MPST: variants seen among roughly 807,000 people sequenced by gnomAD.
MPST encodes 3-mercaptopyruvate sulfurtransferase.
A neutral mutation model predicts 28.5 loss-of-function variants in MPST; 27 were observed. The observed-to-expected ratio is 0.95, with a 90% CI of 0.70 to 1.31. The LOEUF (loss-of-function observed/expected upper bound fraction) is 1.31, where lower values mean the gene tolerates loss of function less well. MPST is among the 50% of genes most tolerant of loss of function. The probability of loss-of-function intolerance (pLI) is 0.00; values close to 1 mark genes in which losing one functional copy is unlikely to be tolerated. For synonymous variants in MPST, 204 were observed against 209.3 expected (o/e 0.97, Z 0.22); for missense variants, 492 against 471.1 (o/e 1.04, Z -0.41).
At chr22:37,021,838 T>G (rs1012385779) in intron 1 of MPST, among the ~76,000 whole-genome samples, 3 of 152,130 alleles carry the variant, frequency 2.0e-5, no homozygotes, top group African/African-American at 7.2e-5. Context: ...TCTACATTTA[T>G]TGTTTAATCT....
chr22:37,024,784 G>T lies in MPST; in HGVS notation c.629G>T (p.Arg210Leu). ...VVDSRATGRF[R>L]GTEPEPRDGI... ...GACTCCCGAGCCACTGGCAGGTTCC[G>T]CGGCACCGAGCCCGAGCCCCGAGAC... The change falls in exon 2 of 3, where the codon CGC becomes CTC. Residue 210 changes from arginine (R) to leucine (L), a missense_variant. By Grantham distance (102) the Arg-to-Leu change is moderately radical (BLOSUM62 -2). Transcript: ENST00000429360. 3.7e-6 allele frequency: 6 copies of T among 1,602,702 alleles called. No individual in the cohort carries two copies. The highest frequency in any genetic ancestry group is 5.1e-6 in the Non-Finnish European group (6 of 1,179,578).
rs1207708151 is a variant in MPST at position 37,029,301 on chromosome 22, G to A, written c.741G>A (p.Glu247=). ...AGGAGGGGCTGGAGAAGAGCCCTGA[G>A]GAGATCCGCCATCTGTTCCAGGAGA... ...LSQEGLEKSP[E]EIRHLFQEKK... Residue 247 remains glutamate (E), a synonymous_variant, in exon 3 of 3, where the codon GAG becomes GAA. Transcript: ENST00000429360. 1 of 1,614,208 alleles carries A rather than the reference G, an allele frequency of 6.2e-7. No homozygotes were observed. Among genetic ancestry groups the A allele is most frequent in the Non-Finnish European group, 8.5e-7 (1 of 1,180,028 alleles).
In MPST at chr22:37,029,552, C is replaced by T; in HGVS notation, c.*38C>T. The T allele has an allele frequency of 6.5e-7, 1 of 1,545,222 alleles. No homozygotes were observed. The highest frequency in any genetic ancestry group is 8.8e-7 in the Non-Finnish European group (1 of 1,140,494). On this transcript the variant is annotated 3_prime_UTR_variant, in exon 3 of 3. Transcript: ENST00000429360. The stretch of plus-strand genomic sequence containing the variant: ...CACAGGCGAGCTCAGGTGATGCCGG[C>T]CACCAGCAATGCCTGGCCTGGTAGC...
At chr22:37,024,127 C>A (rs1383413215) in intron 1 of MPST, 65 bp from the exon 2 acceptor site, 1 of 1,346,488 alleles carries the variant, frequency 7.4e-7, no homozygotes, top group East Asian at 3.0e-5. Context: ...CATGCTCCAG[C>A]CCCAGCCCTA....
chr22:37,020,059 T>G, intron 1 of MPST, 187 bp downstream of exon 1: 165 of 276,712 alleles, frequency 6.0e-4, no homozygotes, highest in Non-Finnish European at 6.9e-4. Context: ...GGTGGGGTCG[T>G]GGCGAGTGGC....
In MPST at chr22:37,024,972, C is replaced by T. The variant is rs192039464; in HGVS notation, c.655+162C>T. The T allele has an allele frequency of 1.3e-5, 19 of 1,503,462 alleles. No homozygotes were observed. In the East Asian group the frequency reaches 2.2e-4, roughly 18 times the overall value. The allele number at this position is 1,503,462 out of a possible 1,614,324, so 93.1% of individuals were successfully genotyped here. ...TCCCTTTCCCTTCCCTCCTTTCCCC[C>T]TTTTCCCTACCCTTGCCTTCTTTTC... On this transcript the variant is annotated intron_variant, in intron 2 of 2. Coordinates refer to ENST00000429360, the MANE Select transcript of MPST (RefSeq NM_021126.8).
At chr22:37,027,180 C>G (rs1441154885) in intron 2 of MPST, 1 of 152,672 alleles carries the variant, frequency 6.5e-6, no homozygotes, top group Non-Finnish European at 1.5e-5. Context: ...CTCGAACTCC[C>G]AACCTCAGGT....
At chr22:37,023,624 GGCCTC>G (rs1923235974) in intron 1 of MPST, 1 of 301,626 alleles carries the variant, frequency 3.3e-6, no homozygotes, top group African/African-American at 2.3e-5. Context: ...TAATATACCA[GGCCTC>G]TTAAGATCAC....
At position 37,024,330 on chromosome 22, in the gene MPST, C is replaced by A. The variant is rs1450329865; in HGVS notation, c.175C>A (p.Pro59Thr). Reference sequence around the variant, plus strand: ...GCTGCTGGACGCCTCCTGGTACCTGCCGAAGCTGGGGCGCGACGCGCGACG... The same window carrying A: ...GCTGCTGGACGCCTCCTGGTACCTGACGAAGCTGGGGCGCGACGCGCGACG... ...LQLLDASWYL[P>T]KLGRDARREF... The change falls in exon 2 of 3, where the codon CCG (proline) becomes ACG (threonine). Residue 59 changes from proline (P) to threonine (T), a missense_variant. Pro to Thr is a conservative substitution (Grantham distance 38). Transcript: ENST00000429360. 4.6e-6 allele frequency: 7 copies of A among 1,537,438 alleles called. No homozygotes were observed. Among genetic ancestry groups the A allele is most frequent in the Non-Finnish European group, 6.1e-6 (7 of 1,144,070 alleles).
At chr22:37,025,861 A>G (rs1169850999) in intron 2 of MPST, 2 of 152,272 alleles carry the variant, frequency 1.3e-5, no homozygotes, top group African/African-American at 4.8e-5. Context: ...GCTTGGGCTC[A>G]CCATGGGCCA....
Position 37,024,452 on chromosome 22 carries a change from C to A in MPST, c.297C>A (p.Ala99=), listed in dbSNP as rs756117717. The A allele has an allele frequency of 1.4e-5, 21 of 1,549,434 alleles. No individual in the cohort carries two copies. The highest frequency in any genetic ancestry group is 1.7e-4 in the Middle Eastern group (1 of 6,004). The part of the protein sequence containing the change: ...TSPYDHMLPG[A]EHFAEYAGRL... ...CCTACGACCACATGCTGCCCGGGGCCGAGCATTTCGCGGAGTACGCAGGCC... is the reference window on the plus strand; with the variant it reads ...CCTACGACCACATGCTGCCCGGGGCAGAGCATTTCGCGGAGTACGCAGGCC... The change falls in exon 2 of 3, where the codon GCC becomes GCA. Residue 99 remains alanine, a synonymous_variant. Transcript: ENST00000429360.
intron 1 of MPST, chr22:37,023,723 C>A: frequency 1.8e-6 from 2 of 1,105,926 alleles, no homozygotes; most frequent in South Asian, 3.7e-5. Flanking sequence ...AGCAAGGACT[C>A]AGTAAATTCC....
At chr22:37,029,051 C>T (rs879519046) in intron 2 of MPST, 165 bp from the exon 3 acceptor site, 1 of 684,666 alleles carries the variant, frequency 1.5e-6, no homozygotes, top group Non-Finnish European at 2.4e-6. Flanking sequence ...CTCCTCTAAA[C>T]AGTGCTCAGG....
In MPST at chr22:37,024,272, G is replaced by C; in HGVS notation, c.117G>C (p.Ala39=). The change falls in exon 2 of 3, where the codon GCG becomes GCC. Residue 39 remains alanine, a synonymous_variant. Coordinates refer to ENST00000429360, the MANE Select transcript of MPST (RefSeq NM_021126.8). ...TGTCGGCGCAATGGGTGGCGGAGGC[G>C]CTGCGGGCCCCGCGCGCTGGGCAGC... ...ALVSAQWVAE[A]LRAPRAGQPL... 6.8e-7 allele frequency: 1 copy of C among 1,476,520 alleles called. No individual in the cohort carries two copies. The highest frequency in any genetic ancestry group is 8.9e-7 in the Non-Finnish European group (1 of 1,122,318). The allele number at this position is 1,476,520 out of a possible 1,614,324, so 91.5% of individuals were successfully genotyped here.
At position 37,024,782 on chromosome 22, in the gene MPST, C is replaced by G. The variant is rs1324101066; in HGVS notation, c.627C>G (p.Phe209Leu). 3.7e-6 allele frequency: 6 copies of G among 1,602,796 alleles called. No homozygotes were observed. Among genetic ancestry groups the G allele is most frequent in the Non-Finnish European group, 4.2e-6 (5 of 1,179,622 alleles). Residue 209 changes from phenylalanine (F) to leucine (L), a missense_variant, in exon 2 of 3, where the codon TTC (phenylalanine) becomes TTG (leucine). By Grantham distance (22) the Phe-to-Leu change is conservative (BLOSUM62 0). Transcript: ENST00000429360. ...QVVDSRATGRFRGTEPEPRDG... is the reference protein window; with the variant it reads ...QVVDSRATGRLRGTEPEPRDG... ...TGGACTCCCGAGCCACTGGCAGGTT[C>G]CGCGGCACCGAGCCCGAGCCCCGAG...
Position 37,029,275 on chromosome 22 carries a change from C to G in MPST, c.715C>G (p.Gln239Glu). 6.2e-7 allele frequency: 1 copy of G among 1,614,182 alleles called. No individual in the cohort carries two copies. Among genetic ancestry groups the G allele is most frequent in the Non-Finnish European group, 8.5e-7 (1 of 1,180,032 alleles). ...CATCCCCTTCACAGACTTCCTGAGC[C>G]AGGAGGGGCTGGAGAAGAGCCCTGA... ...VNIPFTDFLSQEGLEKSPEEI... is the reference protein window; with the variant it reads ...VNIPFTDFLSEEGLEKSPEEI... The change falls in exon 3 of 3, where the codon CAG becomes GAG. Residue 239 changes from glutamine (Q) to glutamate (E), a missense_variant. Physicochemically the swap from Gln to Glu is conservative, Grantham distance 29. Coordinates refer to ENST00000429360, the MANE Select transcript of MPST (RefSeq NM_021126.8).
rs146708951 is a variant in MPST, at chr22:37,025,484, T to C, written c.655+674T>C. ...GGAAGGGGGATTAAACAGAAGTGGGTAGGGCAGAGCCTTCTGCCTGTGGGC... is the reference window on the plus strand; with the variant it reads ...GGAAGGGGGATTAAACAGAAGTGGGCAGGGCAGAGCCTTCTGCCTGTGGGC... On this transcript the variant is annotated intron_variant, in intron 2 of 2. Coordinates refer to ENST00000429360, the MANE Select transcript of MPST (RefSeq NM_021126.8). 667 of 212,686 alleles carry C rather than the reference T, an allele frequency of 3.1e-3. 13 individuals carry two copies. The highest frequency in any genetic ancestry group is 8.6e-3 in the East Asian group (77 of 8,952). The allele number at this position is 212,686 out of a possible 1,614,324, so 13.2% of individuals were successfully genotyped here. A position where few individuals can be genotyped will look rare whatever the true frequency, so the allele number is the denominator to read the frequency against.
At chr22:37,021,287 G>C (rs1259369041) in intron 1 of MPST, among the ~76,000 whole-genome samples, 1 of 152,058 alleles carries the variant, frequency 6.6e-6, no homozygotes, top group Admixed American at 6.6e-5. Context: ...CCCACAGCCT[G>C]CCTTCACACC....
At position 37,029,325 on chromosome 22, in the gene MPST, G is replaced by A; in HGVS notation, c.765G>A (p.Glu255=). 1.2e-6 allele frequency: 2 copies of A among 1,614,188 alleles called. No homozygotes were observed. Among genetic ancestry groups the A allele is most frequent in the Non-Finnish European group, 1.7e-6 (2 of 1,180,036 alleles). ...SPEEIRHLFQ[E]KKVDLSKPLV... ...AGGAGATCCGCCATCTGTTCCAGGA[G>A]AAGAAAGTGGACCTGTCTAAGCCAC... The change falls in exon 3 of 3, where the codon GAG becomes GAA. Residue 255 remains glutamate, a synonymous_variant. Coordinates refer to ENST00000429360, the MANE Select transcript of MPST (RefSeq NM_021126.8).
Sources: gnomAD v4.1 joint callset for allele counts (sites outside exome capture counted in the v4.1 genomes callset) on GRCh38, gnomAD v4.1.1 for gene constraint, MANE v1.5 for transcripts, NCBI Gene and HGNC (gene_info 2026-07-23, HGNC 2026-07-21) for gene names.